The following KAZN variants were observed in gnomAD, a reference collection of about 807,000 sequenced individuals.
KAZN encodes the protein kazrin.
KAZN carries 40 observed loss-of-function variants against 87.4 expected under a neutral mutation model. The observed-to-expected ratio is 0.46, with a 90% confidence interval of 0.36 to 0.60. KAZN has a LOEUF of 0.60. Ranked by LOEUF, KAZN falls within the 20% of genes least tolerant of loss-of-function variation. The probability of loss-of-function intolerance (pLI) is 0.00; values close to 1 mark genes in which losing one functional copy is unlikely to be tolerated. For synonymous variants in KAZN, 466 were observed against 458.3 expected (o/e 1.02, Z -0.22); for missense variants, 898 against 1,073.9 (o/e 0.84, Z 2.29).
intron 2 of KAZN, among the ~76,000 whole-genome samples, chr1:14,384,608 T>G (rs1490079495): frequency 2.0e-5 from 3 of 152,210 alleles, no homozygotes; most frequent in Non-Finnish European, 2.9e-5. Flanking sequence ...GTTTATATGC[T>G]GGATTACATT....
At chr1:14,955,463 G>T (rs1178569541) in intron 1 of KAZN, among the ~76,000 whole-genome samples, 1 of 152,218 alleles carries the variant, frequency 6.6e-6, no homozygotes, top group African/African-American at 2.4e-5. Context: ...GAGTCTGGGG[G>T]ATGCGAGACC....
intron 1 of KAZN, among the ~76,000 whole-genome samples, chr1:14,097,933 A>G (rs936821729): frequency 6.6e-6 from 1 of 152,220 alleles, no homozygotes; most frequent in Non-Finnish European, 1.5e-5. Context: ...TTAGCATGCC[A>G]TGATAGTGTC....
chr1:14,087,612 T>C (rs140230564), intron 1 of KAZN, among the ~76,000 whole-genome samples: 50 of 152,218 alleles, frequency 3.3e-4, no homozygotes, highest in South Asian at 2.3e-3. Context: ...TTTCATCAGA[T>C]TGAGGAAGTT....
At chr1:14,243,005 G>C (rs1649116529) in intron 2 of KAZN, among the ~76,000 whole-genome samples, 1 of 152,184 alleles carries the variant, frequency 6.6e-6, no homozygotes, top group African/African-American at 2.4e-5. Flanking sequence ...GATTAAGTGA[G>C]AGCAGCATGT....
At chr1:14,053,176 G>T (rs1010662959) in intron 1 of KAZN, among the ~76,000 whole-genome samples, 1 of 152,192 alleles carries the variant, frequency 6.6e-6, no homozygotes, top group African/African-American at 2.4e-5. Context: ...TCTCCCACTG[G>T]CCTTGAAGAA....
intron 3 of KAZN, among the ~76,000 whole-genome samples, chr1:15,038,270 GA>G (rs140376078): frequency 6.1e-5 from 9 of 147,598 alleles, no homozygotes; most frequent in South Asian, 4.3e-4. Context: ...AGAAAAGAAA[GA>G]AAAAAAAAAG....
chr1:14,763,033 A>G (rs1420117691), intron 1 of KAZN, among the ~76,000 whole-genome samples: 3 of 152,168 alleles, frequency 2.0e-5, no homozygotes, highest in African/African-American at 7.2e-5. Context: ...TGAGCTTTCA[A>G]AGGACTTTCT....
At chr1:14,666,880 C>T (rs12028445) in intron 1 of KAZN, among the ~76,000 whole-genome samples, 2 of 152,112 alleles carry the variant, frequency 1.3e-5, no homozygotes, top group African/African-American at 4.8e-5. Flanking sequence ...GGACTACAGG[C>T]GTGCGCCACC....
chr1:14,195,873 T>C (rs1431982843), intron 2 of KAZN, among the ~76,000 whole-genome samples: 1 of 152,094 alleles, frequency 6.6e-6, no homozygotes, highest in Non-Finnish European at 1.5e-5. Context: ...GCGGGAGAGA[T>C]AAAAACATAA....
chr1:14,619,861 T>A (rs1557841798), intron 1 of KAZN, among the ~76,000 whole-genome samples: 1 of 152,252 alleles, frequency 6.6e-6, no homozygotes, highest in Non-Finnish European at 1.5e-5. Flanking sequence ...GTAGCGTGTA[T>A]CAGCACTTCA....
intron 1 of KAZN, among the ~76,000 whole-genome samples, chr1:14,783,515 C>A (rs1645417085): frequency 6.6e-6 from 1 of 152,112 alleles, no homozygotes; most frequent in African/African-American, 2.4e-5. Context: ...AAAAATTTAT[C>A]TATGTGCCAC....
intron 1 of KAZN, among the ~76,000 whole-genome samples, chr1:14,036,952 G>T (rs867201123): frequency 3.4e-4 from 52 of 151,924 alleles, no homozygotes; most frequent in Middle Eastern, 3.4e-3. Context: ...GCTAATTTTT[G>T]TATTTTTAGT....
intron 2 of KAZN, among the ~76,000 whole-genome samples, chr1:15,005,397 C>A: frequency 6.6e-6 from 1 of 152,190 alleles, no homozygotes; most frequent in East Asian, 1.9e-4. Context: ...ACTGACCCTG[C>A]CAACTCTGTC....
At position 15,031,553 on chromosome 1, in the gene KAZN, G is replaced by GTGTGGTGTGTTGTGTTGTGT. The variant is rs1671697967; in HGVS notation, c.419-3192_419-3191insGTGTGTTGTGTTGTGTTGTG. Among the ~76,000 whole-genome samples, 3 of 146,272 alleles carry GTGTGGTGTGTTGTGTTGTGT rather than the reference G, an allele frequency of 2.1e-5. No individual in the cohort carries two copies. The Admixed American group carries it at 2.1e-4, about 10-fold the overall frequency. On this transcript the variant is annotated intron_variant, in intron 2 of 14. Coordinates refer to ENST00000376030, the MANE Select transcript of KAZN (RefSeq NM_201628.3). ...TGCTGCTTCCAGGCAGCTACTCAGGGTGTGTTGTGTTGTGTTGTGTTGTGT... is the reference window on the plus strand; with the variant it reads ...TGCTGCTTCCAGGCAGCTACTCAGGGTGTGGTGTGTTGTGTTGTGTTGTGTTGTGTTGTGTTGTGTTGTGT...
chr1:14,593,841 G>A (rs1676340783), upstream of KAZN, among the ~76,000 whole-genome samples: 1 of 152,236 alleles, frequency 6.6e-6, no homozygotes, highest in African/African-American at 2.4e-5. Flanking sequence ...TGGTGAGCAA[G>A]TGGTGTGGTG....
At chr1:14,575,343 C>T (rs908169109) in intron 2 of KAZN, among the ~76,000 whole-genome samples, 1 of 152,080 alleles carries the variant, frequency 6.6e-6, no homozygotes, top group Admixed American at 6.6e-5. Flanking sequence ...ACAATCACGG[C>T]AGAAGGCAAA....
chr1:14,720,034 C>T (rs889508759), intron 1 of KAZN, among the ~76,000 whole-genome samples: 3 of 152,080 alleles, frequency 2.0e-5, no homozygotes, highest in African/African-American at 7.2e-5. Context: ...CCTTCTCCAC[C>T]CTGTGTAGAT....
chr1:14,485,807 C>G (rs1325462685), intron 2 of KAZN, among the ~76,000 whole-genome samples: 1 of 151,010 alleles, frequency 6.6e-6, no homozygotes, highest in Non-Finnish European at 1.5e-5. Flanking sequence ...GCAGGAGAAT[C>G]ACTTGAACCC....
intron 1 of KAZN, among the ~76,000 whole-genome samples, chr1:14,074,737 C>T (rs928577387): frequency 6.6e-6 from 1 of 152,136 alleles, no homozygotes; most frequent in Admixed American, 6.5e-5. Context: ...CAAAAAGAAT[C>T]CTAATTGCAT....
Sources: gnomAD v4.1 joint callset for allele counts (sites outside exome capture counted in the v4.1 genomes callset) on GRCh38, gnomAD v4.1.1 for gene constraint, MANE v1.5 for transcripts, NCBI Gene and HGNC (gene_info 2026-07-23, HGNC 2026-07-21) for gene names.